The following USP35 variants were observed in gnomAD, a reference collection of about 807,000 sequenced individuals.
The protein encoded by USP35 is ubiquitin specific peptidase 35, also known as ubiquitin carboxyl-terminal hydrolase 35.
In USP35, 69 loss-of-function variants were observed where a neutral mutation model predicts 83.8. The observed-to-expected ratio is 0.82, with a 90% CI of 0.68 to 1.01. USP35 has a LOEUF of 1.01. Ranked by LOEUF, USP35 falls within the 50% of genes least tolerant of loss-of-function variation. The pLI is 0.00. For synonymous variants in USP35, 714 were observed against 589.5 expected, an observed-to-expected ratio of 1.21 and a Z score of -3.06; for missense variants, 1,503 against 1,362.5, an observed-to-expected ratio of 1.10 and a Z score of -1.62.
chr11:78,220,403 G>A, the USP35 span: 3 of 1,597,790 alleles, frequency 1.9e-6, no homozygotes, highest in South Asian at 1.1e-5. Flanking sequence ...GGGCAGGACT[G>A]TTCGTGCCAC....
downstream of USP35, chr11:78,217,204 G>C (rs1022157729): frequency 5.9e-5 from 9 of 152,352 alleles, no homozygotes; most frequent in African/African-American, 2.2e-4. Flanking sequence ...AGCATTTGAA[G>C]TCTCTGTCTG....
At chr11:78,189,752 G>A (rs1379613743) in intron 1 of USP35, among the ~76,000 whole-genome samples, 1 of 152,212 alleles carries the variant, frequency 6.6e-6, no homozygotes, top group African/African-American at 2.4e-5. Flanking sequence ...AGCTGCTCCT[G>A]CTTTCTTCCC....
chr11:78,214,274 GT>G lies in USP35; in HGVS notation c.*464del. 1 of 140,448 alleles carries G rather than the reference GT, an allele frequency of 7.1e-6. No homozygotes were observed. The highest frequency in any genetic ancestry group is 2.7e-5 in the African/African-American group (1 of 36,386). 8.7% of individuals were successfully genotyped at this position (140,448 alleles called of 1,614,324 possible). On this transcript the variant is annotated 3_prime_UTR_variant, in exon 11 of 11. Coordinates refer to ENST00000529308, the MANE Select transcript of USP35 (RefSeq NM_020798.4). ...AGTGTCTCCTCTGGCTGTCCTGTTTGTTTGTTTCTCATATGGGGGTGGGGGG... is the reference window on the plus strand; with the variant it reads ...AGTGTCTCCTCTGGCTGTCCTGTTTGTTGTTTCTCATATGGGGGTGGGGGG...
chr11:78,205,809 A>T, intron 6 of USP35, 33 bp from the exon 7 acceptor site: 4 of 1,582,644 alleles, frequency 2.5e-6, no homozygotes, highest in Non-Finnish European at 3.4e-6. Flanking sequence ...CCTGGTGCCC[A>T]CCATCCTGCC....
At chr11:78,220,111 C>T (rs143558829), downstream of USP35, among the ~76,000 whole-genome samples, 1 of 152,160 alleles carries the variant, frequency 6.6e-6, no homozygotes, top group Non-Finnish European at 1.5e-5. Flanking sequence ...GGTTCTCTGA[C>T]TGAGGGTACT....
At chr11:78,227,082 G>A in the USP35 span, 4 of 1,443,822 alleles carry the variant, frequency 2.8e-6, no homozygotes, top group Non-Finnish European at 3.9e-6. Context: ...AGGGCAGGAG[G>A]GTGAGACAAT....
chr11:78,208,962 C>A lies in USP35; in HGVS notation c.1591C>A (p.Arg531=). 1 of 1,613,892 alleles carries A rather than the reference C, an allele frequency of 6.2e-7. No individual in the cohort carries two copies. The highest frequency in any genetic ancestry group is 8.5e-7 in the Non-Finnish European group (1 of 1,179,820). Residue 531 remains arginine, a splice_region_variant and synonymous_variant, in exon 9 of 11, where the codon CGG becomes AGG. Transcript: ENST00000529308. The stretch of plus-strand genomic sequence containing the variant: ...GGAGTATCTGAAGTACCTGCTGGAT[C>A]GGTAAGGGGGCCAGGGCTACGCGAA... ...CSEYLKYLLD[R]LHEEEKTGTR... is the part of the protein sequence containing the mutation.
chr11:78,196,393 G>A lies in USP35; in HGVS notation c.148G>A (p.Val50Met). 1.4e-6 allele frequency: 2 copies of A among 1,427,704 alleles called. No individual in the cohort carries two copies. The highest frequency in any genetic ancestry group is 1.8e-6 in the Non-Finnish European group (2 of 1,102,670). 88.4% of individuals were successfully genotyped at this position (1,427,704 alleles called of 1,614,324 possible). Residue 50 changes from valine to methionine, a missense_variant, in exon 2 of 11, where the codon GTG becomes ATG. Coordinates refer to ENST00000529308, the MANE Select transcript of USP35 (RefSeq NM_020798.4). The surrounding 1 kb of genome is among the most constrained non-coding windows in gnomAD (Gnocchi z 4.8). ...ALLALGARLYVGGAEELPRRV... is the reference protein window; with the variant it reads ...ALLALGARLYMGGAEELPRRV... ...GCTGGCGCTGGGCGCGCGCCTCTAC[G>A]TGGGCGGCGCGGAGGAGCTGCCGCG...
chr11:78,216,716 CAG>C (rs1489571346), downstream of USP35: 3 of 152,312 alleles, frequency 2.0e-5, no homozygotes, highest in African/African-American at 7.2e-5. Flanking sequence ...ATGGCACACT[CAG>C]AACATGCTCA....
In USP35 at chr11:78,214,162, T is replaced by C. The variant is rs911029646; in HGVS notation, c.*349T>C. On this transcript the variant is annotated 3_prime_UTR_variant, in exon 11 of 11. Coordinates refer to ENST00000529308, the MANE Select transcript of USP35 (RefSeq NM_020798.4). ...CAGGCTAGACCTCAGCTCCAATGTT[T>C]TGACATCAAGTACTATTTTCCTTCC... 9.7e-6 allele frequency: 2 copies of C among 207,180 alleles called. No homozygotes were observed. Among genetic ancestry groups the C allele is most frequent in the African/African-American group, 4.7e-5 (2 of 42,696 alleles). 12.8% of individuals were successfully genotyped at this position (207,180 alleles called of 1,614,324 possible). A position where few individuals can be genotyped will look rare whatever the true frequency, so the allele number is the denominator to read the frequency against.
At position 78,210,647 on chromosome 11, in the gene USP35, CCGAG is replaced by C; in HGVS notation, c.2793_2796del (p.Glu932LeufsTer18). 1.2e-6 allele frequency: 2 copies of C among 1,614,018 alleles called. No individual in the cohort carries two copies. Among genetic ancestry groups the C allele is most frequent in the Non-Finnish European group, 1.7e-6 (2 of 1,179,942 alleles). On this transcript the variant is annotated frameshift_variant, in exon 10 of 11. Transcript: ENST00000529308. LOFTEE classifies it high-confidence loss of function. ...TACCGGCAGCGGCCCAGGGAGGGGC[CCGAG>C]GCTGAGTTGGGCTCTTCTAGAGTCC...
chr11:78,231,336 G>GTGTGTGTGTGTGTGT, the USP35 span, among the ~76,000 whole-genome samples: 2 of 145,796 alleles, frequency 1.4e-5, no homozygotes, highest in African/African-American at 2.6e-5. Context: ...GCGCGTGTGT[G>GTGTGTGTGTGTGTGT]GTGTGTGTGT....
At chr11:78,235,253 C>T in the USP35 span, among the ~76,000 whole-genome samples, 4 of 151,832 alleles carry the variant, frequency 2.6e-5, no homozygotes, top group African/African-American at 4.8e-5. Context: ...CCCGGGTTCA[C>T]GCCATTCTCC....
intron 8 of USP35, 97 bp from the exon 9 acceptor site, chr11:78,208,760 C>A: frequency 1.5e-6 from 2 of 1,356,872 alleles, no homozygotes; most frequent in African/African-American, 1.4e-5. Context: ...AGTTTGAGGC[C>A]GAGGGAATGA....
Position 78,210,402 on chromosome 11 carries a change from T to G in USP35, c.2547T>G (p.Ser849Arg). 6.2e-7 allele frequency: 1 copy of G among 1,613,998 alleles called. No homozygotes were observed. Among genetic ancestry groups the G allele is most frequent in the East Asian group, 2.2e-5 (1 of 44,886 alleles). The change falls in exon 10 of 11, where the codon AGT becomes AGG. Residue 849 changes from serine (S) to arginine (R), a missense_variant. By Grantham distance (110) the Ser-to-Arg change is moderately radical. Transcript: ENST00000529308. Reference sequence around the variant, plus strand: ...GTGGCCAGGCCTATGACCTCTGCAGTGTGGTGGTGCACTCTGGAGTGTCTT... The same window carrying G: ...GTGGCCAGGCCTATGACCTCTGCAGGGTGGTGGTGCACTCTGGAGTGTCTT... ...GGRGQAYDLC[S>R]VVVHSGVSSE...
chr11:78,196,682 G>C lies in USP35; in HGVS notation c.437G>C (p.Arg146Pro), dbSNP rs1163461319. Reference sequence around the variant, plus strand: ...CCCGCGGCCTGCGCGCAGGTGGCACGGCTGCTGGCTCGCCACCCGCGCTGT... The same window carrying C: ...CCCGCGGCCTGCGCGCAGGTGGCACCGCTGCTGGCTCGCCACCCGCGCTGT... The part of the protein sequence containing the change: ...PGPAACAQVA[R>P]LLARHPRCVP... Residue 146 changes from arginine to proline, a missense_variant, in exon 2 of 11, where the codon CGG (arginine) becomes CCG (proline). By Grantham distance (103) the Arg-to-Pro change is moderately radical. Transcript: ENST00000529308. The surrounding 1 kb of genome is among the most constrained non-coding windows in gnomAD (Gnocchi z 4.8). 1 of 1,483,922 alleles carries C rather than the reference G, an allele frequency of 6.7e-7. No individual in the cohort carries two copies. The highest frequency in any genetic ancestry group is 1.5e-5 in the African/African-American group (1 of 68,292). 91.9% of individuals were successfully genotyped at this position (1,483,922 alleles called of 1,614,324 possible). A position where few individuals can be genotyped will look rare whatever the true frequency, so the allele number is the denominator to read the frequency against.
intron 1 of USP35, among the ~76,000 whole-genome samples, chr11:78,189,817 C>G (rs1451344169): frequency 5.3e-5 from 8 of 152,214 alleles, no homozygotes. Flanking sequence ...CCAGTGAAAC[C>G]CTTTTTTCTT....
At chr11:78,202,447 C>G (rs1198782266) in intron 6 of USP35, among the ~76,000 whole-genome samples, 1 of 152,054 alleles carries the variant, frequency 6.6e-6, no homozygotes, top group Non-Finnish European at 1.5e-5. Flanking sequence ...GGGGTTGTGG[C>G]CCTTCCCCAC....
At chr11:78,194,951 A>G (rs1314033434) in intron 1 of USP35, among the ~76,000 whole-genome samples, 2 of 152,204 alleles carry the variant, frequency 1.3e-5, no homozygotes, top group Non-Finnish European at 2.9e-5. Flanking sequence ...TGACCCAGGC[A>G]GGGAGCTCAG....
Sources: gnomAD v4.1 joint callset for allele counts (sites outside exome capture counted in the v4.1 genomes callset) on GRCh38, gnomAD v4.1.1 for gene constraint, Gnocchi (gnomAD v3.1) non-coding constraint, MANE v1.5 for transcripts, NCBI Gene and HGNC (gene_info 2026-07-23, HGNC 2026-07-21) for gene names.